FUT8: variants seen among roughly 807,000 people sequenced by gnomAD.
FUT8 encodes the protein alpha-(1,6)-fucosyltransferase.
A neutral mutation model predicts 71.3 loss-of-function variants in FUT8; 29 were observed. That is an observed-to-expected ratio of 0.41 (90% CI 0.30 to 0.55). The LOEUF (loss-of-function observed/expected upper bound fraction) is 0.55, where lower values mean the gene tolerates loss of function less well. Ranked by LOEUF, FUT8 falls within the 20% of genes least tolerant of loss-of-function variation. The pLI is 0.34. For synonymous variants in FUT8, 254 were observed against 239.3 expected (o/e 1.06, Z -0.57); for missense variants, 544 against 702.1 (o/e 0.77, Z 2.55).
At chr14:65,536,701 A>G (rs998465199) in intron 2 of FUT8, among the ~76,000 whole-genome samples, 1 of 152,102 alleles carries the variant, frequency 6.6e-6, no homozygotes, top group African/African-American at 2.4e-5. Context: ...CTTTCATTTC[A>G]GCCTCATAGA....
chr14:65,474,825 T>C (rs78916455), intron 2 of FUT8, among the ~76,000 whole-genome samples: 3,575 of 152,262 alleles, frequency 0.023, 114 homozygotes, highest in Admixed American at 0.096. Flanking sequence ...TCAACTGATA[T>C]TCATCCTTCA....
At chr14:65,718,299 T>C (rs1895228878) in intron 7 of FUT8, among the ~76,000 whole-genome samples, 1 of 152,226 alleles carries the variant, frequency 6.6e-6, no homozygotes, top group African/African-American at 2.4e-5. Context: ...TATTTTAAAC[T>C]GATGACAATT....
At chr14:65,581,943 T>C (rs1306502569) in intron 3 of FUT8, among the ~76,000 whole-genome samples, 1 of 152,198 alleles carries the variant, frequency 6.6e-6, no homozygotes, top group Non-Finnish European at 1.5e-5. Context: ...TTGACAGATT[T>C]TAATTTTCTT....
intron 6 of FUT8, chr14:65,645,936 C>G (rs1891105508): frequency 6.6e-6 from 1 of 152,214 alleles, no homozygotes; most frequent in African/African-American, 2.4e-5. Context: ...CTAAATAGTT[C>G]TCAGCTTAAT....
chr14:65,541,770 A>G (rs1460308559), intron 2 of FUT8, among the ~76,000 whole-genome samples: 1 of 152,206 alleles, frequency 6.6e-6, no homozygotes, highest in East Asian at 1.9e-4. Context: ...GTTGACATAA[A>G]AAATTAACCA....
chr14:65,441,216 T>C (rs765022435), intron 1 of FUT8, among the ~76,000 whole-genome samples: 3 of 152,168 alleles, frequency 2.0e-5, no homozygotes, highest in Non-Finnish European at 4.4e-5. Flanking sequence ...CTACTTGATA[T>C]ATGGAGACCT....
intron 2 of FUT8, among the ~76,000 whole-genome samples, chr14:65,524,803 A>G (rs1379316981): frequency 6.6e-6 from 1 of 152,122 alleles, no homozygotes; most frequent in African/African-American, 2.4e-5. Context: ...AATTTTGTCA[A>G]AGGCCTTTTC....
chr14:65,497,819 A>G, intron 2 of FUT8, among the ~76,000 whole-genome samples: 1 of 152,106 alleles, frequency 6.6e-6, no homozygotes, highest in East Asian at 1.9e-4. Flanking sequence ...GTCTCAATTT[A>G]CTATAAAATA....
At chr14:65,615,227 T>G (rs549078790) in intron 3 of FUT8, among the ~76,000 whole-genome samples, 28 of 152,196 alleles carry the variant, frequency 1.8e-4, no homozygotes, top group Non-Finnish European at 4.0e-4. Context: ...TTCCTTAGCT[T>G]CCTGAGTAGC....
intron 7 of FUT8, among the ~76,000 whole-genome samples, chr14:65,693,143 G>T (rs1893783140): frequency 6.6e-6 from 1 of 152,240 alleles, no homozygotes; most frequent in African/African-American, 2.4e-5. Flanking sequence ...CACTTTGGGA[G>T]GCCAAGGCAG....
At chr14:65,496,577 C>T (rs1008658797) in intron 2 of FUT8, among the ~76,000 whole-genome samples, 5 of 152,102 alleles carry the variant, frequency 3.3e-5, no homozygotes, top group African/African-American at 9.7e-5. Flanking sequence ...GACAGTTCCT[C>T]CTTCACCCAC....
At chr14:65,534,879 T>G (rs1342710678) in intron 2 of FUT8, among the ~76,000 whole-genome samples, 1 of 151,774 alleles carries the variant, frequency 6.6e-6, no homozygotes, top group Non-Finnish European at 1.5e-5. Context: ...AACTCCTGAC[T>G]TCATTGATCT....
the FUT8 span, among the ~76,000 whole-genome samples, chr14:65,367,758 T>C: frequency 2.6e-5 from 4 of 152,158 alleles, no homozygotes; most frequent in Admixed American, 2.0e-4. Context: ...CTCTCCTTAA[T>C]CCACATCTGA....
At position 65,467,859 on chromosome 14, in the gene FUT8, C is replaced by G. The variant is rs761309685; in HGVS notation, c.-228+12141C>G. The G allele has an allele frequency of 6.4e-6, 5 of 787,266 alleles. No homozygotes were observed. The highest frequency in any genetic ancestry group is 1.2e-5 in the Non-Finnish European group (5 of 433,030). The allele number at this position is 787,266 out of a possible 1,614,324, so 48.8% of individuals were successfully genotyped here. A position where few individuals can be genotyped will look rare whatever the true frequency, so the allele number is the denominator to read the frequency against. ...TTCCAGCAGCTCAGGCTCCTTCCCACTGGTTCTCACAAAGTGTGCTTCTCT... is the reference window on the plus strand; with the variant it reads ...TTCCAGCAGCTCAGGCTCCTTCCCAGTGGTTCTCACAAAGTGTGCTTCTCT... On this transcript the variant is annotated intron_variant, in intron 2 of 10. Coordinates refer to ENST00000673929, the MANE Select transcript of FUT8 (RefSeq NM_001371533.1). This position sits in a 1 kb window ranked among gnomAD's most constrained non-coding sequence, Gnocchi z 4.1.
the FUT8 span, among the ~76,000 whole-genome samples, chr14:65,372,730 A>G: frequency 6.6e-6 from 1 of 152,114 alleles, no homozygotes; most frequent in Admixed American, 6.5e-5. Context: ...TTCTTTCTTT[A>G]GTAGAATGCT....
At chr14:65,419,216 T>G (rs1281923364) in intron 1 of FUT8, among the ~76,000 whole-genome samples, 1 of 152,068 alleles carries the variant, frequency 6.6e-6, no homozygotes, top group African/African-American at 2.4e-5. Context: ...GCCGAGATCT[T>G]GCCATTGCAC....
intron 2 of FUT8, among the ~76,000 whole-genome samples, chr14:65,475,910 G>T (rs927340384): frequency 6.6e-6 from 1 of 152,266 alleles, no homozygotes; most frequent in African/African-American, 2.4e-5. Context: ...TACTGGGATT[G>T]TAGGTATAGG....
intron 2 of FUT8, among the ~76,000 whole-genome samples, chr14:65,517,259 T>C (rs1281174261): frequency 6.6e-6 from 1 of 152,162 alleles, no homozygotes; most frequent in East Asian, 1.9e-4. Flanking sequence ...TATTTTTACT[T>C]AAACGAGCTA....
At chr14:65,446,286 G>A (rs1008140265) in intron 1 of FUT8, among the ~76,000 whole-genome samples, 12 of 152,054 alleles carry the variant, frequency 7.9e-5, no homozygotes, top group African/African-American at 2.9e-4. Context: ...ACTTTCCTCT[G>A]TTCTCTGTAT....
Sources: gnomAD v4.1 joint callset for allele counts (sites outside exome capture counted in the v4.1 genomes callset) on GRCh38, gnomAD v4.1.1 for gene constraint, Gnocchi (gnomAD v3.1) non-coding constraint, MANE v1.5 for transcripts, NCBI Gene and HGNC (gene_info 2026-07-23, HGNC 2026-07-21) for gene names.